Variants in AUTS2 observed in about 807,000 individuals in gnomAD.
AUTS2 encodes autism susceptibility gene 2 protein.
A neutral mutation model predicts 112.4 loss-of-function variants in AUTS2; 17 were observed. The ratio of observed to expected loss-of-function variants is 0.15; its 90% CI spans 0.10 to 0.23. The LOEUF is 0.23. Among genes scored for constraint, AUTS2 ranks in the 10% least tolerant of loss-of-function variants. The pLI is 1.00. For synonymous variants in AUTS2, 751 were observed against 702.7 expected (o/e 1.07, Z -1.09); for missense variants, 1,510 against 1,701.6 (o/e 0.89, Z 1.98).
chr7:70,788,150 T>G (rs1585696541), intron 18 of AUTS2, among the ~76,000 whole-genome samples: 1 of 152,336 alleles, frequency 6.6e-6, no homozygotes, highest in Non-Finnish European at 1.5e-5. Context: ...TTTTCTTTCT[T>G]TAGGCTATTT....
At chr7:69,959,352 C>T (rs1434406805) in intron 2 of AUTS2, among the ~76,000 whole-genome samples, 1 of 152,088 alleles carries the variant, frequency 6.6e-6, no homozygotes, top group Non-Finnish European at 1.5e-5. Context: ...TCTCAAAAAT[C>T]CTTGGGGAAG....
At chr7:70,422,229 A>T (rs1000006364) in intron 4 of AUTS2, among the ~76,000 whole-genome samples, 1 of 152,114 alleles carries the variant, frequency 6.6e-6, no homozygotes, top group Non-Finnish European at 1.5e-5. Context: ...TTGCATTTGT[A>T]AAAAAACAAA....
chr7:70,121,959 C>G (rs1805704856), intron 3 of AUTS2, among the ~76,000 whole-genome samples: 2 of 152,080 alleles, frequency 1.3e-5, no homozygotes, highest in South Asian at 4.1e-4. Context: ...AATTGATAAA[C>G]AAAATGTGAC....
rs541440170 is a variant in AUTS2, at chr7:70,776,265, G to A, written c.1933-838G>A. ...CTCATCTGTCCAGTAGTCACTGAGC[G>A]CGCACGCCGAGCTTATGGGTAGATT... is the stretch of plus-strand genomic sequence containing the variant. On this transcript the variant is annotated intron_variant, in intron 13 of 18. Transcript: ENST00000342771. Among the ~76,000 whole-genome samples, 27 of 152,280 alleles carry A rather than the reference G, an allele frequency of 1.8e-4. 1 individual carries two copies. In the South Asian group the frequency reaches 4.8e-3, roughly 27 times the overall value.
chr7:70,499,691 T>A (rs1476973114), intron 5 of AUTS2, among the ~76,000 whole-genome samples: 2 of 152,176 alleles, frequency 1.3e-5, no homozygotes, highest in Non-Finnish European at 2.9e-5. Context: ...GAACCATTGC[T>A]CTCACCAGTG....
chr7:70,321,240 G>A (rs577709663), intron 4 of AUTS2, among the ~76,000 whole-genome samples: 19 of 152,188 alleles, frequency 1.2e-4, no homozygotes, highest in Non-Finnish European at 2.6e-4. Context: ...TTGTTTGACT[G>A]TAACACGTTT....
intron 5 of AUTS2, among the ~76,000 whole-genome samples, chr7:70,628,051 T>A (rs1006830926): frequency 6.6e-6 from 1 of 152,166 alleles, no homozygotes; most frequent in African/African-American, 2.4e-5. Flanking sequence ...TGCACGAAGG[T>A]GGCTCATTGA....
chr7:70,151,202 C>T (rs562415758), intron 4 of AUTS2, among the ~76,000 whole-genome samples: 3 of 152,266 alleles, frequency 2.0e-5, no homozygotes, highest in African/African-American at 7.2e-5. Context: ...CAGAGATCTT[C>T]AGAGGATTGC....
chr7:70,099,911 C>A (rs573792387), intron 2 of AUTS2, among the ~76,000 whole-genome samples: 155 of 152,148 alleles, frequency 1.0e-3, no homozygotes, highest in African/African-American at 3.7e-3. Context: ...TATATCCATA[C>A]CTCTGATTTG....
intron 1 of AUTS2, among the ~76,000 whole-genome samples, chr7:69,632,988 A>G (rs1253097216): frequency 6.6e-6 from 1 of 152,186 alleles, no homozygotes; most frequent in Non-Finnish European, 1.5e-5. Context: ...AGCAGCTAAA[A>G]TCTACTCATT....
chr7:70,549,211 C>A (rs185574458), intron 5 of AUTS2, among the ~76,000 whole-genome samples: 1 of 152,168 alleles, frequency 6.6e-6, no homozygotes, highest in Admixed American at 6.5e-5. Flanking sequence ...TCATATTGGT[C>A]TTCTATCGTA....
chr7:69,839,285 A>G (rs1481629344), intron 1 of AUTS2, among the ~76,000 whole-genome samples: 1 of 152,016 alleles, frequency 6.6e-6, no homozygotes, highest in Non-Finnish European at 1.5e-5. Context: ...CTTACCTTGT[A>G]AGTACCTGAT....
chr7:70,585,450 C>T (rs1802636842), intron 5 of AUTS2, among the ~76,000 whole-genome samples: 1 of 152,192 alleles, frequency 6.6e-6, no homozygotes, highest in South Asian at 2.1e-4. Context: ...CTGAGGTTCT[C>T]ATTAATGACT....
At chr7:69,662,370 C>A (rs567575500) in intron 1 of AUTS2, among the ~76,000 whole-genome samples, 1 of 152,208 alleles carries the variant, frequency 6.6e-6, no homozygotes, top group African/African-American at 2.4e-5. Flanking sequence ...GCTCAGCACT[C>A]TTGACATTTG....
intron 4 of AUTS2, among the ~76,000 whole-genome samples, chr7:70,160,596 A>C (rs754084196): frequency 2.0e-5 from 3 of 152,178 alleles, no homozygotes; most frequent in Non-Finnish European, 4.4e-5. Flanking sequence ...TTTTCACACA[A>C]GTGTAAGCTT....
intron 5 of AUTS2, among the ~76,000 whole-genome samples, chr7:70,646,320 G>A (rs1352952799): frequency 1.3e-5 from 2 of 152,192 alleles, no homozygotes; most frequent in African/African-American, 4.8e-5. Context: ...CAGAGTCCAT[G>A]GGGTTTCACC....
intron 1 of AUTS2, among the ~76,000 whole-genome samples, chr7:69,712,441 C>T (rs1439536297): frequency 1.4e-5 from 2 of 143,554 alleles, no homozygotes; most frequent in African/African-American, 2.5e-5. Context: ...GATTAATTGA[C>T]ACTTCCAACA....
chr7:69,994,515 T>G (rs1356425034), intron 2 of AUTS2, among the ~76,000 whole-genome samples: 2 of 152,198 alleles, frequency 1.3e-5, no homozygotes, highest in Non-Finnish European at 2.9e-5. Flanking sequence ...TGTGTGTGTT[T>G]CCATGTTGTC....
chr7:70,354,987 T>C (rs1304513741), intron 4 of AUTS2, among the ~76,000 whole-genome samples: 1 of 151,130 alleles, frequency 6.6e-6, no homozygotes, highest in African/African-American at 2.4e-5. Flanking sequence ...TGTATGGGTG[T>C]GTGTGTGTAT....
Sources: allele counts gnomAD v4.1 joint callset (sites outside exome capture counted in the v4.1 genomes callset), GRCh38; gene constraint gnomAD v4.1.1; transcripts MANE v1.5; gene names NCBI Gene and HGNC (gene_info 2026-07-23, HGNC 2026-07-21).